Variants in L2HGDH observed in about 807,000 individuals in gnomAD.
L2HGDH encodes L-2-hydroxyglutarate dehydrogenase, mitochondrial.
A neutral mutation model predicts 51.5 loss-of-function variants in L2HGDH; 34 were observed. The ratio of observed to expected loss-of-function variants is 0.66; its 90% CI spans 0.50 to 0.88. L2HGDH has a LOEUF of 0.88. Among genes scored for constraint, L2HGDH ranks in the 40% least tolerant of loss-of-function variants. L2HGDH has a pLI of 0.00. For missense variants in L2HGDH, 558 were observed against 571.9 expected, an observed-to-expected ratio of 0.98 and a Z score of 0.25; for synonymous variants, 198 against 197.9, an observed-to-expected ratio of 1.00 and a Z score of -0.01.
intron 9 of L2HGDH, among the ~76,000 whole-genome samples, chr14:50,247,719 T>C (rs535087242): frequency 1.0e-3 from 157 of 152,330 alleles, no homozygotes; most frequent in Middle Eastern, 3.4e-3. Context: ...TTTTGTGTTT[T>C]TAAAATTCAC....
At chr14:50,284,841 T>G (rs536179703) in intron 4 of L2HGDH, among the ~76,000 whole-genome samples, 1 of 152,336 alleles carries the variant, frequency 6.6e-6, no homozygotes, top group Admixed American at 6.5e-5. Context: ...ACAGCATTAT[T>G]GTTGTGGTGG....
chr14:50,295,567 G>A (rs1046774769), intron 3 of L2HGDH, among the ~76,000 whole-genome samples: 65 of 144,674 alleles, frequency 4.5e-4, no homozygotes, highest in Non-Finnish European at 3.6e-4. Flanking sequence ...CACCACACTC[G>A]GCTAATTTTT....
Position 50,244,632 on chromosome 14 carries a change from G to C in L2HGDH, c.*2426C>G. 5 of 985,374 alleles carry C rather than the reference G, an allele frequency of 5.1e-6. No individual in the cohort carries two copies. The highest frequency in any genetic ancestry group is 1.7e-5 in the African/African-American group (1 of 57,338). The allele number at this position is 985,374 out of a possible 1,614,324, so 61.0% of individuals were successfully genotyped here. A position where few individuals can be genotyped will look rare whatever the true frequency, so the allele number is the denominator to read the frequency against. ...TTTTAATATACTCATCCTAAGAGTTGAATAATGGCCTACTCTGTTTACCTG... is the reference window on the plus strand; with the variant it reads ...TTTTAATATACTCATCCTAAGAGTTCAATAATGGCCTACTCTGTTTACCTG... On this transcript the variant is annotated 3_prime_UTR_variant, in exon 10 of 10. Coordinates refer to ENST00000267436, the MANE Select transcript of L2HGDH (RefSeq NM_024884.3).
In L2HGDH at chr14:50,309,244, G is replaced by A. The variant is rs367846395; in HGVS notation, c.140+2767C>T. Among the ~76,000 whole-genome samples the A allele has an allele frequency of 9.7e-4, 147 of 152,306 alleles. 1 individual carries two copies. The highest frequency in any genetic ancestry group is 3.4e-3 in the Middle Eastern group (1 of 294). On this transcript the variant is annotated intron_variant, in intron 1 of 9. Coordinates refer to ENST00000267436, the MANE Select transcript of L2HGDH (RefSeq NM_024884.3). The stretch of plus-strand genomic sequence containing the variant: ...CAAAGATCTTGTCCTTTTTCTAAAA[G>A]TTTTATACTGAATATTTGGTGATAT...
In L2HGDH at chr14:50,243,323, C is replaced by T. The variant is rs573952558; in HGVS notation, c.*3735G>A. The T allele has an allele frequency of 3.0e-6, 3 of 984,524 alleles. No individual in the cohort carries two copies. The highest frequency in any genetic ancestry group is 6.2e-5 in the Admixed American group (1 of 16,260). 61.0% of individuals were successfully genotyped at this position (984,524 alleles called of 1,614,324 possible). A position where few individuals can be genotyped will look rare whatever the true frequency, so the allele number is the denominator to read the frequency against. On this transcript the variant is annotated 3_prime_UTR_variant, in exon 10 of 10. Transcript: ENST00000267436. ...CTTTTTACCCAAAATATAAATGACT[C>T]AACCTCATTTTGTATTATATACTAA...
At position 50,305,072 on chromosome 14, in the gene L2HGDH, C is replaced by G. The variant is rs149929448; in HGVS notation, c.141-2055G>C. ...ATTGCTACCACATCTTTGGCTGTAT[C>G]TGGAACCAGAAACAGATCCTAGACA... On this transcript the variant is annotated intron_variant, in intron 1 of 9. Coordinates refer to ENST00000267436, the MANE Select transcript of L2HGDH (RefSeq NM_024884.3). 6.2e-4 allele frequency among the ~76,000 whole-genome samples: 94 copies of G among 152,310 alleles called. 1 individual carries two copies. The East Asian group carries it at 0.017, about 28-fold the overall frequency.
intron 4 of L2HGDH, among the ~76,000 whole-genome samples, chr14:50,286,163 A>G (rs1890552529): frequency 6.6e-6 from 1 of 150,962 alleles, no homozygotes; most frequent in Admixed American, 6.6e-5. Context: ...GAAAATTGAG[A>G]GTAGATCTCA....
intron 4 of L2HGDH, among the ~76,000 whole-genome samples, chr14:50,290,938 G>A (rs1280002486): frequency 1.3e-5 from 2 of 151,984 alleles, no homozygotes; most frequent in East Asian, 1.9e-4. Context: ...GGTGGCTCAC[G>A]CCTATAATCC....
chr14:50,311,536 C>T (rs780085907), intron 1 of L2HGDH: 47 of 449,542 alleles, frequency 1.0e-4, no homozygotes, highest in Non-Finnish European at 1.7e-4. Flanking sequence ...GAGCTGCCTC[C>T]GACGGGGGCA....
intron 9 of L2HGDH, among the ~76,000 whole-genome samples, chr14:50,255,996 C>A (rs2139944300): frequency 6.6e-6 from 1 of 151,836 alleles, no homozygotes; most frequent in African/African-American, 2.4e-5. Flanking sequence ...GAGTGAGACT[C>A]CGTCTCAAAA....
At chr14:50,257,341 G>A (rs1888727749) in intron 9 of L2HGDH, among the ~76,000 whole-genome samples, 1 of 151,452 alleles carries the variant, frequency 6.6e-6, no homozygotes, top group Non-Finnish European at 1.5e-5. Context: ...CTAACCAGCT[G>A]TCTAACCTAG....
intron 1 of L2HGDH, chr14:50,311,531 G>T: frequency 4.4e-6 from 2 of 451,924 alleles, no homozygotes; most frequent in Non-Finnish European, 8.9e-6. Flanking sequence ...CATAAGAGCT[G>T]CCTCCGACGG....
intron 6 of L2HGDH, among the ~76,000 whole-genome samples, chr14:50,273,883 A>T (rs566497213): frequency 6.6e-6 from 1 of 152,264 alleles, no homozygotes; most frequent in African/African-American, 2.4e-5. Context: ...GTTCAAAACC[A>T]GCCCGACCAA....
intron 4 of L2HGDH, among the ~76,000 whole-genome samples, chr14:50,284,272 G>A (rs575952637): frequency 1.3e-5 from 2 of 152,122 alleles, no homozygotes; most frequent in Non-Finnish European, 2.9e-5. Context: ...TTTTAAATAA[G>A]CTCTAGTGAG....
rs75537113 is a variant in L2HGDH at position 50,305,161 on chromosome 14, T to C, written c.141-2144A>G. Among the ~76,000 whole-genome samples the C allele has an allele frequency of 2.0e-3, 300 of 152,326 alleles. 1 individual carries two copies. Among genetic ancestry groups the C allele is most frequent in the African/African-American group, 6.4e-3 (266 of 41,570 alleles). Reference sequence around the variant, plus strand: ...GCATCTTAAATTAACTTGGGGGTCATAAGTGGATAAAGTTCCCTCTGTCAG... The same window carrying C: ...GCATCTTAAATTAACTTGGGGGTCACAAGTGGATAAAGTTCCCTCTGTCAG... On this transcript the variant is annotated intron_variant, in intron 1 of 9. Coordinates refer to ENST00000267436, the MANE Select transcript of L2HGDH (RefSeq NM_024884.3).
In L2HGDH at chr14:50,302,060, T is replaced by C. The variant is rs2030441522; in HGVS notation, c.365A>G (p.Glu122Gly). Residue 122 changes from glutamate (E) to glycine (G), a missense_variant, in exon 3 of 10, where the codon GAG (glutamate) becomes GGG (glycine). This residue lies in a region of L2HGDH where 194 missense variants were observed against 187.2 expected (regional missense o/e 1.04). Coordinates refer to ENST00000267436, the MANE Select transcript of L2HGDH (RefSeq NM_024884.3). The stretch of plus-strand genomic sequence containing the variant: ...GGAAATTCCCTTTTGCTGACAGTAC[T>C]CATAGAGGAGGGCTGCACCTTGTAC... ...LCVQGAALLY[E>G]YCQQKGISYK... 1.2e-6 allele frequency: 2 copies of C among 1,614,060 alleles called. No homozygotes were observed. The highest frequency in any genetic ancestry group is 1.1e-5 in the South Asian group (1 of 91,090).
chr14:50,262,378 C>A (rs1041903006), intron 9 of L2HGDH, among the ~76,000 whole-genome samples: 1 of 150,148 alleles, frequency 6.7e-6, no homozygotes, highest in African/African-American at 2.5e-5. Context: ...TGTAGTAAGC[C>A]GACATTGTAC....
intron 9 of L2HGDH, among the ~76,000 whole-genome samples, chr14:50,249,144 T>C (rs2092897): frequency 9.9e-5 from 15 of 152,142 alleles, no homozygotes; most frequent in Non-Finnish European, 1.9e-4. Context: ...GAAGCATCCA[T>C]CCCAGTGGTC....
chr14:50,294,178 A>G lies in L2HGDH; in HGVS notation c.477T>C (p.Asn159=). The G allele has an allele frequency of 6.2e-7, 1 of 1,613,846 alleles. No homozygotes were observed. The highest frequency in any genetic ancestry group is 8.5e-7 in the Non-Finnish European group (1 of 1,179,938). The change falls in exon 4 of 10, where the codon AAT becomes AAC. Residue 159 remains asparagine (N), a synonymous_variant. Transcript: ENST00000267436. ...LQALYEKGLQ[N]GVPGLRLIQQ... ...GGATCAGCCTCAGGCCCGGGACACC[A>G]TTCTGGAGGCCTTTCTCATATAGGG...
Sources: gnomAD v4.1 joint callset for allele counts (sites outside exome capture counted in the v4.1 genomes callset) on GRCh38, gnomAD v4.1.1 for gene constraint, gnomAD v4.1.1 regional missense constraint, MANE v1.5 for transcripts, NCBI Gene and HGNC (gene_info 2026-07-23, HGNC 2026-07-21) for gene names.